The following KIAA1217 variants were observed in gnomAD, a reference collection of about 807,000 sequenced individuals.
KIAA1217 encodes the protein sickle tail protein homolog.
KIAA1217 carries 88 observed loss-of-function variants against 163.9 expected under a neutral mutation model. The ratio of observed to expected loss-of-function variants is 0.54; its 90% CI spans 0.45 to 0.64. The LOEUF is 0.64. Ranked by LOEUF, KIAA1217 falls within the 30% of genes least tolerant of loss-of-function variation. The pLI, the probability that KIAA1217 is intolerant of heterozygous loss-of-function variation, is 0.00. For synonymous variants in KIAA1217, 903 were observed against 923.1 expected (o/e 0.98, Z 0.39); for missense variants, 2,372 against 2,475.0 (o/e 0.96, Z 0.88).
In KIAA1217 at chr10:24,166,127, T is replaced by C. The variant is rs553629197; in HGVS notation, c.-170-53499T>C. On this transcript the variant is annotated intron_variant, in intron 2 of 18. Coordinates refer to the KIAA1217 transcript ENST00000376462. ...TTTAGACATTTGGACAAATCGTTTT[T>C]AAAATTTCAAGGATACTTTTTAATA... Among the ~76,000 whole-genome samples the C allele has an allele frequency of 5.9e-5, 9 of 152,190 alleles. No homozygotes were observed. In the South Asian group the frequency reaches 1.9e-3, roughly 32 times the overall value.
At chr10:24,368,074 C>T (rs1219947862) in intron 2 of KIAA1217, among the ~76,000 whole-genome samples, 3 of 152,188 alleles carry the variant, frequency 2.0e-5, no homozygotes, top group Non-Finnish European at 4.4e-5. Flanking sequence ...GACAAATAAA[C>T]ATTAAAGTTC....
intron 3 of KIAA1217, among the ~76,000 whole-genome samples, chr10:24,400,670 G>A (rs1014839411): frequency 1.3e-5 from 2 of 152,066 alleles, no homozygotes; most frequent in Admixed American, 6.6e-5. Flanking sequence ...AAGTAATCAG[G>A]ATCATTGAAA....
intron 4 of KIAA1217, among the ~76,000 whole-genome samples, chr10:24,434,279 T>G (rs1243904933): frequency 1.3e-5 from 2 of 152,058 alleles, no homozygotes; most frequent in Non-Finnish European, 2.9e-5. Context: ...CCTCAGGTCA[T>G]CTACCTGCCT....
intron 10 of KIAA1217, among the ~76,000 whole-genome samples, chr10:24,518,830 A>C (rs1272949893): frequency 6.6e-6 from 1 of 152,254 alleles, no homozygotes; most frequent in South Asian, 2.1e-4. Flanking sequence ...GACAATGAGC[A>C]GATGAGGCTT....
chr10:24,502,001 G>A (rs1331810594), intron 9 of KIAA1217, among the ~76,000 whole-genome samples: 1 of 151,818 alleles, frequency 6.6e-6, no homozygotes, highest in African/African-American at 2.4e-5. Context: ...CACCTGCCTC[G>A]GCCTCCCAAA....
At position 23,779,767 on chromosome 10, in the gene KIAA1217, AAC is replaced by A. The variant is rs545900934; in HGVS notation, c.-321+84543_-321+84544del. On this transcript the variant is annotated intron_variant, in intron 1 of 18. Transcript: ENST00000376462. ...ACTATTTATTTCAAAGAAATGGTAA[AAC>A]ACACACACAATAACATTTCAGTCAA... Among the ~76,000 whole-genome samples the A allele has an allele frequency of 1.1e-4, 16 of 152,322 alleles. No individual in the cohort carries two copies. The East Asian group carries it at 2.3e-3, about 22-fold the overall frequency.
intron 2 of KIAA1217, among the ~76,000 whole-genome samples, chr10:24,088,274 T>TATATATATATATACATAC (rs1285415158): frequency 9.3e-6 from 1 of 107,246 alleles, no homozygotes; most frequent in African/African-American, 3.1e-5. Flanking sequence ...TATATATATA[T>TATATATATATATACATAC]ACACACATAT....
rs1564447850 is a variant in KIAA1217 at position 23,818,000 on chromosome 10, T to TATATACAC, written c.-321+122771_-321+122772insCACATATA. Among the ~76,000 whole-genome samples, 49 of 103,212 alleles carry TATATACAC rather than the reference T, an allele frequency of 4.7e-4. 4 individuals carry two copies. The East Asian group carries it at 9.3e-3, about 20-fold the overall frequency. 67.7% of individuals were successfully genotyped at this position (103,212 alleles called of 152,430 possible). ...ATATATATATATATATATATATATA[T>TATATACAC]ATATATATACACACATATATATACA... On this transcript the variant is annotated intron_variant, in intron 1 of 18. Coordinates refer to the KIAA1217 transcript ENST00000376462.
rs35876174 is a variant in KIAA1217, at chr10:24,313,843, G to GTT, written c.355-67007_355-67006dup. Among the ~76,000 whole-genome samples the GTT allele has an allele frequency of 3.7e-3, 423 of 113,392 alleles. 10 individuals carry two copies. The highest frequency in any genetic ancestry group is 0.012 in the East Asian group (39 of 3,256). 74.4% of individuals were successfully genotyped at this position (113,392 alleles called of 152,430 possible). A position where few individuals can be genotyped will look rare whatever the true frequency, so the allele number is the denominator to read the frequency against. ...GGTTTTGGTGAACATCCATCTGGTT[G>GTT]TTTTTTTTTTTTTTTTTTTTGAGTC... is the stretch of plus-strand genomic sequence containing the variant. On this transcript the variant is annotated intron_variant, in intron 2 of 20. Coordinates refer to ENST00000376454, the MANE Select transcript of KIAA1217 (RefSeq NM_019590.5).
chr10:23,892,153 T>C (rs1175326109), intron 1 of KIAA1217, among the ~76,000 whole-genome samples: 1 of 151,972 alleles, frequency 6.6e-6, no homozygotes, highest in Non-Finnish European at 1.5e-5. Flanking sequence ...GTTTGGAAAG[T>C]AAATGTCTTA....
At chr10:24,537,900 C>T (rs1172377688) in intron 17 of KIAA1217, among the ~76,000 whole-genome samples, 2 of 152,184 alleles carry the variant, frequency 1.3e-5, no homozygotes, top group Non-Finnish European at 2.9e-5. Flanking sequence ...TGAAATGCAA[C>T]TTTAAGTTGC....
intron 1 of KIAA1217, among the ~76,000 whole-genome samples, chr10:23,959,582 T>C (rs1407251955): frequency 6.6e-6 from 1 of 152,202 alleles, no homozygotes; most frequent in South Asian, 2.1e-4. Context: ...TTTATTTATT[T>C]CATGTAAATT....
chr10:23,899,017 T>A (rs1216297463), intron 1 of KIAA1217, among the ~76,000 whole-genome samples: 1 of 152,152 alleles, frequency 6.6e-6, no homozygotes, highest in Non-Finnish European at 1.5e-5. Context: ...CTGCTGTTAC[T>A]CTATCATACC....
chr10:24,044,720 G>C (rs539593038), intron 2 of KIAA1217, among the ~76,000 whole-genome samples: 1 of 152,180 alleles, frequency 6.6e-6, no homozygotes, highest in South Asian at 2.1e-4. Context: ...TTGAAAATCA[G>C]TACAGTGTGT....
At chr10:24,006,811 C>T (rs1312122330) in intron 1 of KIAA1217, among the ~76,000 whole-genome samples, 4 of 152,172 alleles carry the variant, frequency 2.6e-5, no homozygotes, top group African/African-American at 9.7e-5. Context: ...ATAGCCACTG[C>T]AGCTGCACAT....
intron 1 of KIAA1217, among the ~76,000 whole-genome samples, chr10:24,209,894 T>TATA (rs1210910601): frequency 6.6e-6 from 1 of 152,202 alleles, no homozygotes; most frequent in Non-Finnish European, 1.5e-5. Context: ...TAATTGTGTT[T>TATA]ATAATAGACT....
chr10:24,379,337 A>G lies in KIAA1217; in HGVS notation c.355-1532A>G, dbSNP rs373103291. Among the ~76,000 whole-genome samples, 8 of 152,350 alleles carry G rather than the reference A, an allele frequency of 5.3e-5. No individual in the cohort carries two copies. The South Asian group carries it at 1.5e-3, about 28-fold the overall frequency. On this transcript the variant is annotated intron_variant, in intron 2 of 20. Transcript: ENST00000376454. ...AGCAGACTTTGTAAAAAATAAATCTAGGAATGCACCACTTTGGGGACTTGT... is the reference window on the plus strand; with the variant it reads ...AGCAGACTTTGTAAAAAATAAATCTGGGAATGCACCACTTTGGGGACTTGT...
chr10:23,754,600 G>A (rs1236799839), intron 1 of KIAA1217, among the ~76,000 whole-genome samples: 2 of 152,202 alleles, frequency 1.3e-5, no homozygotes, highest in African/African-American at 4.8e-5. Context: ...TGCCTAGGCT[G>A]CTGCCTTCAT....
intron 2 of KIAA1217, among the ~76,000 whole-genome samples, chr10:24,185,134 C>G (rs1246006059): frequency 6.6e-6 from 1 of 152,174 alleles, no homozygotes; most frequent in Non-Finnish European, 1.5e-5. Context: ...AGAAGGGAAA[C>G]TTCTTTGCTA....
Sources: allele counts gnomAD v4.1 joint callset (sites outside exome capture counted in the v4.1 genomes callset), GRCh38; gene constraint gnomAD v4.1.1; transcripts MANE v1.5; gene names NCBI Gene and HGNC (gene_info 2026-07-23, HGNC 2026-07-21).